Variants in MACROD2 observed in about 807,000 individuals in gnomAD.
MACROD2 encodes the protein ADP-ribose glycohydrolase MACROD2.
MACROD2 carries 36 observed loss-of-function variants against 70.4 expected under a neutral mutation model. The observed-to-expected ratio is 0.51, with a 90% CI of 0.39 to 0.68. The LOEUF (loss-of-function observed/expected upper bound fraction) is 0.68. Ranked by LOEUF, MACROD2 falls within the 30% of genes least tolerant of loss-of-function variation. The pLI is 0.00. For synonymous variants in MACROD2, 172 were observed against 178.8 expected, an observed-to-expected ratio of 0.96 and a Z score of 0.30; for missense variants, 496 against 538.4, an observed-to-expected ratio of 0.92 and a Z score of 0.78.
At chr20:15,087,319 T>C (rs2075756325) in intron 5 of MACROD2, among the ~76,000 whole-genome samples, 1 of 152,048 alleles carries the variant, frequency 6.6e-6, no homozygotes, top group African/African-American at 2.4e-5. Context: ...TTAAAACTTC[T>C]TTCAAAGCTA....
chr20:15,315,531 G>T (rs2077800379), intron 6 of MACROD2, among the ~76,000 whole-genome samples: 2 of 152,074 alleles, frequency 1.3e-5, no homozygotes. Context: ...AGAGCAAAAT[G>T]ATATATTTAA....
intron 3 of MACROD2, among the ~76,000 whole-genome samples, chr20:14,276,629 AT>A (rs1244611818): frequency 2.6e-5 from 4 of 151,986 alleles, no homozygotes; most frequent in East Asian, 1.9e-4. Flanking sequence ...AAGTATAATA[AT>A]AATAAAATAA....
intron 5 of MACROD2, among the ~76,000 whole-genome samples, chr20:15,222,116 T>C (rs1383952306): frequency 1.3e-5 from 2 of 152,170 alleles, no homozygotes; most frequent in Non-Finnish European, 2.9e-5. Flanking sequence ...GAATTCTAGT[T>C]TATCCCAAAC....
intron 8 of MACROD2, among the ~76,000 whole-genome samples, chr20:15,685,389 T>C (rs1213356520): frequency 6.6e-6 from 1 of 152,212 alleles, no homozygotes; most frequent in Non-Finnish European, 1.5e-5. Flanking sequence ...ATAAGATAGC[T>C]GTAACCTTCT....
chr20:14,314,340 G>A (rs2082594419), intron 3 of MACROD2, among the ~76,000 whole-genome samples: 1 of 152,152 alleles, frequency 6.6e-6, no homozygotes, highest in Admixed American at 6.5e-5. Context: ...AGTACAGTGG[G>A]ACAATAGAAA....
At chr20:15,879,992 C>T (rs981372478) in intron 9 of MACROD2, among the ~76,000 whole-genome samples, 2 of 152,094 alleles carry the variant, frequency 1.3e-5, no homozygotes, top group African/African-American at 4.8e-5. Flanking sequence ...GAGGAGTTCC[C>T]TCTTACTCTC....
chr20:14,669,565 G>A (rs1286760461), intron 4 of MACROD2, among the ~76,000 whole-genome samples: 1 of 152,120 alleles, frequency 6.6e-6, no homozygotes, highest in Non-Finnish European at 1.5e-5. Context: ...AAGTTTAAAA[G>A]CTAAATTCCT....
At chr20:15,048,120 T>TAAATAAATAAATAAATAAATAAATAAA (rs1568548390) in intron 5 of MACROD2, among the ~76,000 whole-genome samples, 4 of 102,236 alleles carry the variant, frequency 3.9e-5, no homozygotes, top group Non-Finnish European at 9.0e-5. Flanking sequence ...AAATAAATAA[T>TAAATAAATAAATAAATAAATAAATAAA]AAAAAATTAG....
chr20:15,447,303 C>G (rs1183607995), intron 7 of MACROD2, among the ~76,000 whole-genome samples: 1 of 152,174 alleles, frequency 6.6e-6, no homozygotes, highest in Admixed American at 6.6e-5. Flanking sequence ...AAGGCAGAGC[C>G]TGGCTAGCAG....
intron 3 of MACROD2, among the ~76,000 whole-genome samples, chr20:14,448,726 A>G (rs1412945447): frequency 6.6e-6 from 1 of 152,056 alleles, no homozygotes; most frequent in Non-Finnish European, 1.5e-5. Flanking sequence ...CATAACATTG[A>G]CTTTGGATTT....
At chr20:15,163,020 T>A (rs536989281) in intron 5 of MACROD2, among the ~76,000 whole-genome samples, 6 of 152,060 alleles carry the variant, frequency 3.9e-5, no homozygotes, top group African/African-American at 1.4e-4. Context: ...AGGTAGATGA[T>A]CTAAGTTAAA....
chr20:14,704,823 A>C (rs1442734301), intron 5 of MACROD2, among the ~76,000 whole-genome samples: 1 of 152,108 alleles, frequency 6.6e-6, no homozygotes, highest in Non-Finnish European at 1.5e-5. Context: ...CTTTTTTTAA[A>C]TTTTATTTCT....
intron 3 of MACROD2, among the ~76,000 whole-genome samples, chr20:14,164,597 G>T (rs2055238946): frequency 6.6e-6 from 1 of 152,010 alleles, no homozygotes; most frequent in African/African-American, 2.4e-5. Context: ...GACAGGCTGG[G>T]TGGGCCTGTC....
intron 8 of MACROD2, among the ~76,000 whole-genome samples, chr20:15,683,533 T>G (rs1029884262): frequency 1.3e-5 from 2 of 152,180 alleles, no homozygotes; most frequent in African/African-American, 4.8e-5. Flanking sequence ...TTGCCACCCA[T>G]CTGAGGGACC....
At chr20:15,637,152 T>C (rs1310937249) in intron 8 of MACROD2, among the ~76,000 whole-genome samples, 1 of 152,210 alleles carries the variant, frequency 6.6e-6, no homozygotes, top group East Asian at 1.9e-4. Context: ...AGGGACACCA[T>C]GGGTTGAAGC....
intron 8 of MACROD2, among the ~76,000 whole-genome samples, chr20:15,598,516 T>C (rs2048775737): frequency 6.6e-6 from 1 of 152,196 alleles, no homozygotes; most frequent in Admixed American, 6.5e-5. Context: ...ATCTTGCCAG[T>C]CTGGTAACTG....
chr20:14,816,927 G>T (rs766458159), intron 5 of MACROD2, among the ~76,000 whole-genome samples: 5 of 151,928 alleles, frequency 3.3e-5, no homozygotes, highest in Middle Eastern at 3.4e-3. Flanking sequence ...TAGCTACATA[G>T]AATCGAAATA....
chr20:15,048,904 T>A (rs1235657300), intron 5 of MACROD2, among the ~76,000 whole-genome samples: 1 of 152,148 alleles, frequency 6.6e-6, no homozygotes, highest in African/African-American at 2.4e-5. Flanking sequence ...TTCTGTCACT[T>A]AACAGTATAT....
chr20:15,474,256 A>G (rs1393255099), intron 7 of MACROD2, among the ~76,000 whole-genome samples: 1 of 152,154 alleles, frequency 6.6e-6, no homozygotes, highest in Non-Finnish European at 1.5e-5. Context: ...TTAGCTTTCC[A>G]AATTGTATTT....
Sources: gnomAD v4.1 joint callset for allele counts (sites outside exome capture counted in the v4.1 genomes callset) on GRCh38, gnomAD v4.1.1 for gene constraint, MANE v1.5 for transcripts, NCBI Gene and HGNC (gene_info 2026-07-23, HGNC 2026-07-21) for gene names.